AFF3: variants seen among roughly 807,000 people sequenced by gnomAD.
The protein encoded by AFF3 is ALF transcription elongation factor 3, also known as AF4/FMR2 family member 3.
Under a neutral mutation model 129.7 loss-of-function variants are expected in AFF3, and 32 were observed. The ratio of observed to expected loss-of-function variants is 0.25; its 90% CI spans 0.19 to 0.33. The LOEUF (loss-of-function observed/expected upper bound fraction) is 0.33, where lower values mean the gene tolerates loss of function less well. AFF3 is among the 10% of genes least tolerant of loss of function. AFF3 has a pLI of 1.00. For synonymous variants in AFF3, 644 were observed against 635.4 expected, an observed-to-expected ratio of 1.01 and a Z score of -0.20; for missense variants, 1,373 against 1,592.0, an observed-to-expected ratio of 0.86 and a Z score of 2.34.
intron 13 of AFF3, among the ~76,000 whole-genome samples, chr2:99,634,154 T>C (rs1286984844): frequency 6.6e-6 from 1 of 152,196 alleles, no homozygotes; most frequent in Non-Finnish European, 1.5e-5. Context: ...GTGATCCACC[T>C]GCTTCGGCCT....
At chr2:99,988,580 A>T (rs1680074112) in intron 7 of AFF3, among the ~76,000 whole-genome samples, 1 of 152,116 alleles carries the variant, frequency 6.6e-6, no homozygotes, top group South Asian at 2.1e-4. Flanking sequence ...AAAACAAAAA[A>T]CCATTTTGTG....
At chr2:100,042,004 C>G (rs1173511087) in intron 4 of AFF3, among the ~76,000 whole-genome samples, 2 of 152,058 alleles carry the variant, frequency 1.3e-5, no homozygotes, top group African/African-American at 4.8e-5. Flanking sequence ...TTATCCAACC[C>G]CTCACATCGC....
At position 99,831,340 on chromosome 2, in the gene AFF3, G is replaced by A. The variant is rs1456324733; in HGVS notation, c.921+6137C>T. ...TAAGTTTTCAAAGTCTGATGAATAC[G>A]TATGGTGATATTAAGTATGGGAACA... On this transcript the variant is annotated intron_variant, in intron 8 of 24. Transcript: ENST00000672756. Among the ~76,000 whole-genome samples, 6 of 152,146 alleles carry A rather than the reference G, an allele frequency of 3.9e-5. No homozygotes were observed. The East Asian group carries it at 7.7e-4, about 19-fold the overall frequency.
intron 7 of AFF3, among the ~76,000 whole-genome samples, chr2:100,004,669 C>T (rs2104715434): frequency 6.6e-6 from 1 of 152,264 alleles, no homozygotes; most frequent in Middle Eastern, 3.4e-3. Context: ...TCTTGGAATA[C>T]TGTCAACAAA....
rs956153266 is a variant in AFF3, at chr2:99,872,410, C to A, written c.874-34886G>T. Among the ~76,000 whole-genome samples, 3 of 151,814 alleles carry A rather than the reference C, an allele frequency of 2.0e-5. No individual in the cohort carries two copies. The East Asian group carries it at 5.8e-4, about 30-fold the overall frequency. On this transcript the variant is annotated intron_variant, in intron 7 of 24. Transcript: ENST00000672756. The stretch of plus-strand genomic sequence containing the variant: ...ATGTGGAGACAAGCACTGAGAAAGA[C>A]CACCACAGAGCGAAGGGGATCTATA...
intron 4 of AFF3, among the ~76,000 whole-genome samples, chr2:100,087,155 C>T (rs1429119277): frequency 6.6e-6 from 1 of 152,078 alleles, no homozygotes; most frequent in Non-Finnish European, 1.5e-5. Context: ...GGTAGTAGAG[C>T]TTCAAATGGA....
intron 8 of AFF3, among the ~76,000 whole-genome samples, chr2:99,795,613 C>T (rs1685504885): frequency 1.3e-5 from 2 of 152,082 alleles, no homozygotes. Context: ...GCACTTCTGT[C>T]ACTGCTAAAC....
chr2:99,725,395 C>T (rs1194349812), intron 11 of AFF3, among the ~76,000 whole-genome samples: 2 of 151,978 alleles, frequency 1.3e-5, no homozygotes, highest in Non-Finnish European at 2.9e-5. Context: ...ACTTTGTCAC[C>T]CAGGCTGGAG....
At chr2:99,641,143 A>G (rs1227786385) in intron 13 of AFF3, among the ~76,000 whole-genome samples, 2 of 152,138 alleles carry the variant, frequency 1.3e-5, no homozygotes, top group Non-Finnish European at 2.9e-5. Context: ...TGTCCTCCAC[A>G]TGACACCTCA....
intron 7 of AFF3, among the ~76,000 whole-genome samples, chr2:99,873,043 C>T (rs1416230336): frequency 6.6e-6 from 1 of 152,206 alleles, no homozygotes; most frequent in Non-Finnish European, 1.5e-5. Context: ...CTGTCTCTTA[C>T]CCATTCTTTA....
At position 100,105,573 on chromosome 2, in the gene AFF3, C is replaced by A. The variant is rs1456065983; in HGVS notation, c.-134G>T. The A allele has an allele frequency of 7.5e-7, 1 of 1,332,962 alleles. No homozygotes were observed. The highest frequency in any genetic ancestry group is 4.2e-5 in the East Asian group (1 of 23,906). 82.6% of individuals were successfully genotyped at this position (1,332,962 alleles called of 1,614,324 possible). On this transcript the variant is annotated 5_prime_UTR_variant, in exon 3 of 25. Coordinates refer to ENST00000672756, the MANE Select transcript of AFF3 (RefSeq NM_001386135.1). ...GCCGCCCGTCTCCGGTCTGGAAAGGCAGGTGATCAGCTAGAAGGGTGATAA... is the reference window on the plus strand; with the variant it reads ...GCCGCCCGTCTCCGGTCTGGAAAGGAAGGTGATCAGCTAGAAGGGTGATAA...
At chr2:99,930,049 G>A (rs1045202510) in intron 7 of AFF3, among the ~76,000 whole-genome samples, 7 of 152,004 alleles carry the variant, frequency 4.6e-5, no homozygotes, top group Non-Finnish European at 4.4e-5. Flanking sequence ...CTGTACACAA[G>A]CATCTCTCTA....
intron 13 of AFF3, among the ~76,000 whole-genome samples, chr2:99,641,678 A>G (rs1373499204): frequency 1.3e-5 from 2 of 152,200 alleles, no homozygotes; most frequent in Non-Finnish European, 2.9e-5. Context: ...ACTCTGTCTC[A>G]AAACAAAAAC....
chr2:99,558,213 T>C (rs546611051), intron 22 of AFF3, among the ~76,000 whole-genome samples: 3 of 152,342 alleles, frequency 2.0e-5, no homozygotes, highest in South Asian at 4.1e-4. Context: ...AAGGGGTTAC[T>C]TCTAAGGAAA....
chr2:99,695,938 G>GAAAAA (rs10719354), intron 11 of AFF3, among the ~76,000 whole-genome samples: 55 of 57,654 alleles, frequency 9.5e-4, no homozygotes, highest in African/African-American at 2.3e-3. Context: ...CTGGAAAAAT[G>GAAAAA]AAAAAAAAAA....
chr2:99,642,621 T>C (rs1684309179), intron 13 of AFF3, among the ~76,000 whole-genome samples: 1 of 152,240 alleles, frequency 6.6e-6, no homozygotes, highest in African/African-American at 2.4e-5. Flanking sequence ...TGCTAGGTGC[T>C]AGAGATAAAA....
chr2:100,025,188 A>G (rs901283413), intron 4 of AFF3, among the ~76,000 whole-genome samples: 1 of 151,654 alleles, frequency 6.6e-6, no homozygotes, highest in Non-Finnish European at 1.5e-5. Context: ...TTCCTAACCA[A>G]CCCCTTCCTT....
chr2:100,062,340 G>C (rs994196077), intron 4 of AFF3, among the ~76,000 whole-genome samples: 2 of 152,082 alleles, frequency 1.3e-5, no homozygotes, highest in Non-Finnish European at 2.9e-5. Flanking sequence ...TAATACTCTT[G>C]TTGTTTTACT....
At chr2:99,901,327 A>G (rs539781470) in intron 7 of AFF3, among the ~76,000 whole-genome samples, 74 of 152,326 alleles carry the variant, frequency 4.9e-4, no homozygotes, top group Non-Finnish European at 7.9e-4. Flanking sequence ...TTGGCTACAG[A>G]AAATCTAAAC....
Sources: gnomAD v4.1 joint callset for allele counts (sites outside exome capture counted in the v4.1 genomes callset) on GRCh38, gnomAD v4.1.1 for gene constraint, MANE v1.5 for transcripts, NCBI Gene and HGNC (gene_info 2026-07-23, HGNC 2026-07-21) for gene names.